Variants in PCDH15 observed in about 807,000 individuals in gnomAD.
The protein encoded by PCDH15 is protocadherin related 15.
A neutral mutation model predicts 178.5 loss-of-function variants in PCDH15; 129 were observed. That is an observed-to-expected ratio of 0.72 (90% CI 0.63 to 0.84). The LOEUF (loss-of-function observed/expected upper bound fraction) is 0.84. Among genes scored for constraint, PCDH15 ranks in the 40% least tolerant of loss-of-function variants. The pLI is 0.00. For missense variants in PCDH15, 2,230 were observed against 2,099.9 expected, an observed-to-expected ratio of 1.06 and a Z score of -1.21; for synonymous variants, 800 against 732.0, an observed-to-expected ratio of 1.09 and a Z score of -1.50.
chr10:54,709,627 T>TC (rs2095408287), intron 1 of PCDH15, among the ~76,000 whole-genome samples: 1 of 141,850 alleles, frequency 7.0e-6, no homozygotes. Flanking sequence ...TATATATATA[T>TC]AAAATCACTT....
intron 25 of PCDH15, among the ~76,000 whole-genome samples, chr10:53,910,668 T>G (rs2083019201): frequency 6.6e-6 from 1 of 152,124 alleles, no homozygotes; most frequent in African/African-American, 2.4e-5. Flanking sequence ...ATGACTTTGA[T>G]GAGTTGACAG....
At chr10:55,096,158 G>GA (rs1304705730) in intron 2 of PCDH15, among the ~76,000 whole-genome samples, 6 of 151,888 alleles carry the variant, frequency 4.0e-5, no homozygotes, top group Non-Finnish European at 8.8e-5. Flanking sequence ...ATCAAAACAT[G>GA]AAAAAAAATT....
chr10:54,871,369 G>A (rs1329040976), intron 3 of PCDH15, among the ~76,000 whole-genome samples: 1 of 149,776 alleles, frequency 6.7e-6, no homozygotes, highest in Non-Finnish European at 1.5e-5. Context: ...TGTATTCCAA[G>A]TCTCAGAAAT....
chr10:55,435,052 G>A (rs548414463), intron 2 of PCDH15, among the ~76,000 whole-genome samples: 29 of 152,268 alleles, frequency 1.9e-4, no homozygotes, highest in African/African-American at 5.5e-4. Context: ...ATTGGCTGAG[G>A]CAAAGTTTTA....
At chr10:54,857,227 CG>C (rs1185156405) in intron 3 of PCDH15, among the ~76,000 whole-genome samples, 1 of 151,942 alleles carries the variant, frequency 6.6e-6, no homozygotes, top group African/African-American at 2.4e-5. Flanking sequence ...GTCATAAAAC[CG>C]GTTTATAGAA....
chr10:55,181,388 G>C (rs1591970759), intron 1 of PCDH15, among the ~76,000 whole-genome samples: 1 of 152,018 alleles, frequency 6.6e-6, no homozygotes, highest in East Asian at 1.9e-4. Context: ...GAACTCTTCT[G>C]TTAAAATATA....
At chr10:54,547,579 A>G (rs892981703) in intron 2 of PCDH15, among the ~76,000 whole-genome samples, 1 of 152,156 alleles carries the variant, frequency 6.6e-6, no homozygotes, top group Admixed American at 6.5e-5. Flanking sequence ...CTGCATTATT[A>G]TGTTTTTAGG....
chr10:54,934,797 C>T (rs1251040602), intron 2 of PCDH15, among the ~76,000 whole-genome samples: 4 of 151,764 alleles, frequency 2.6e-5, no homozygotes, highest in African/African-American at 4.8e-5. Context: ...TATTGCGGCA[C>T]TATTCACAAT....
intron 2 of PCDH15, among the ~76,000 whole-genome samples, chr10:55,417,695 T>G (rs1838517852): frequency 6.6e-6 from 1 of 150,962 alleles, no homozygotes; most frequent in African/African-American, 2.4e-5. Flanking sequence ...AGACAAGGAC[T>G]CAGAAAATTT....
At chr10:55,378,520 T>C (rs1033032829) in intron 2 of PCDH15, among the ~76,000 whole-genome samples, 7 of 152,280 alleles carry the variant, frequency 4.6e-5, no homozygotes, top group African/African-American at 1.7e-4. Flanking sequence ...ACTGAAGGGA[T>C]ATGCTTAACT....
intron 18 of PCDH15, among the ~76,000 whole-genome samples, chr10:54,062,247 A>AC (rs1231802329): frequency 8.8e-5 from 11 of 125,678 alleles, no homozygotes; most frequent in Admixed American, 3.2e-4. Flanking sequence ...AAAAAAAAAA[A>AC]AAAAACAAAA....
intron 2 of PCDH15, among the ~76,000 whole-genome samples, chr10:55,072,073 GA>G (rs1841761172): frequency 6.6e-6 from 1 of 152,036 alleles, no homozygotes; most frequent in African/African-American, 2.4e-5. Context: ...CAACATACCA[GA>G]ATCTCTGGAA....
intron 8 of PCDH15, among the ~76,000 whole-genome samples, chr10:54,241,562 G>T (rs2055301552): frequency 1.3e-5 from 2 of 152,092 alleles, no homozygotes; most frequent in Admixed American, 1.3e-4. Flanking sequence ...ACCCTGGATG[G>T]TTCTTTTATA....
rs5785123 is a variant in PCDH15 at position 55,195,653 on chromosome 10, T to TAA, written c.-155-29004_-155-29003dup. Among the ~76,000 whole-genome samples, 266 of 118,104 alleles carry TAA rather than the reference T, an allele frequency of 2.3e-3. 2 individuals are homozygous for TAA. The highest frequency in any genetic ancestry group is 6.2e-3 in the African/African-American group (195 of 31,292). 77.5% of individuals were successfully genotyped at this position (118,104 alleles called of 152,430 possible). On this transcript the variant is annotated intron_variant, in intron 1 of 5. Coordinates refer to the PCDH15 transcript ENST00000458638. ...CTGGGTGACAGAGGGAAACTCCATC[T>TAA]AAAAAAAAAAAAAAAAAAAGTAGTA... is the stretch of plus-strand genomic sequence containing the variant.
At chr10:55,288,939 GA>G (rs990654001) in intron 1 of PCDH15, among the ~76,000 whole-genome samples, 4 of 150,716 alleles carry the variant, frequency 2.7e-5, no homozygotes, top group African/African-American at 9.8e-5. Flanking sequence ...TAATTTTTTT[GA>G]AAAACCACCA....
chr10:55,231,003 G>A (rs1841201368), intron 1 of PCDH15, among the ~76,000 whole-genome samples: 1 of 151,920 alleles, frequency 6.6e-6, no homozygotes, highest in Non-Finnish European at 1.5e-5. Flanking sequence ...AGAAATATAT[G>A]TAGAGATACA....
chr10:55,490,781 T>TTC (rs1443533335), intron 2 of PCDH15, among the ~76,000 whole-genome samples: 1 of 151,624 alleles, frequency 6.6e-6, no homozygotes, highest in African/African-American at 2.4e-5. Context: ...CATAACACAA[T>TTC]GGTTCCAAGA....
chr10:55,012,455 T>C (rs764993562), intron 2 of PCDH15, among the ~76,000 whole-genome samples: 11 of 152,150 alleles, frequency 7.2e-5, no homozygotes, highest in Non-Finnish European at 2.9e-5. Flanking sequence ...CTTTCTCCTC[T>C]ATAAAGCCAA....
chr10:55,238,161 T>C (rs1841440229), intron 1 of PCDH15, among the ~76,000 whole-genome samples: 1 of 148,924 alleles, frequency 6.7e-6, no homozygotes, highest in Non-Finnish European at 1.5e-5. Flanking sequence ...TTTTTTTTTT[T>C]TTTTGAGACG....
Sources: gnomAD v4.1 joint callset for allele counts (sites outside exome capture counted in the v4.1 genomes callset) on GRCh38, gnomAD v4.1.1 for gene constraint, MANE v1.5 for transcripts, NCBI Gene and HGNC (gene_info 2026-07-23, HGNC 2026-07-21) for gene names.